Variants in EFCAB6 observed in about 807,000 individuals in gnomAD.
EFCAB6 encodes EF-hand calcium-binding domain-containing protein 6.
EFCAB6 carries 156 observed loss-of-function variants against 169.8 expected under a neutral mutation model. The observed-to-expected ratio is 0.92, with a 90% CI of 0.81 to 1.05. The LOEUF is 1.05. Ranked by LOEUF, EFCAB6 falls within the 50% of genes least tolerant of loss-of-function variation. EFCAB6 has a pLI of 0.00. For missense variants in EFCAB6, 1,800 were observed against 1,829.1 expected, an observed-to-expected ratio of 0.98 and a Z score of 0.29; for synonymous variants, 698 against 676.4, an observed-to-expected ratio of 1.03 and a Z score of -0.50.
At chr22:43,757,178 G>A (rs540656512) in intron 5 of EFCAB6, among the ~76,000 whole-genome samples, 2 of 152,320 alleles carry the variant, frequency 1.3e-5, no homozygotes, top group East Asian at 3.9e-4. Context: ...ATAATGCTAC[G>A]TTAAATGTAA....
At chr22:43,792,070 T>C (rs1335587382) in intron 2 of EFCAB6, among the ~76,000 whole-genome samples, 1 of 152,148 alleles carries the variant, frequency 6.6e-6, no homozygotes, top group East Asian at 1.9e-4. Flanking sequence ...GATGGGAGCC[T>C]GTGGCAGCTC....
chr22:43,661,302 C>T (rs1360377044), intron 17 of EFCAB6, among the ~76,000 whole-genome samples: 1 of 152,012 alleles, frequency 6.6e-6, no homozygotes, highest in Non-Finnish European at 1.5e-5. Context: ...CACTTCAGCC[C>T]AGGAGATTGA....
Position 43,716,962 on chromosome 22 carries a change from C to T in EFCAB6, c.768G>A (p.Leu256=), listed in dbSNP as rs759274207. ...RYCMGNQEVS[L]ENQQAKNSKK... The stretch of plus-strand genomic sequence containing the variant: ...TGGAATTTTTGGCTTGTTGATTCTC[C>T]AACGAGACCTCTGTTGAAACAAAAT... Residue 256 remains leucine (L), a synonymous_variant, in exon 9 of 32, where the codon TTG becomes TTA. Transcript: ENST00000262726. 4 of 1,551,320 alleles carry T rather than the reference C, an allele frequency of 2.6e-6. No homozygotes were observed. The highest frequency in any genetic ancestry group is 3.5e-6 in the Non-Finnish European group (4 of 1,150,616).
At chr22:43,805,911 T>C (rs1392673724) in intron 2 of EFCAB6, among the ~76,000 whole-genome samples, 1 of 152,118 alleles carries the variant, frequency 6.6e-6, no homozygotes, top group African/African-American at 2.4e-5. Context: ...ATGCCTGTAA[T>C]CCCAACATTT....
intron 26 of EFCAB6, among the ~76,000 whole-genome samples, chr22:43,569,657 C>T (rs113745045): frequency 0.021 from 3,163 of 152,344 alleles, 113 homozygotes; most frequent in African/African-American, 0.073. Context: ...CCCCTGCACC[C>T]TGGCCTGTCT....
At chr22:43,777,153 G>T (rs776168678) in intron 3 of EFCAB6, among the ~76,000 whole-genome samples, 7 of 152,200 alleles carry the variant, frequency 4.6e-5, no homozygotes, top group Non-Finnish European at 7.3e-5. Context: ...TAATCCCTTG[G>T]TGCTGGACAT....
At chr22:43,803,383 T>A (rs944740102) in intron 2 of EFCAB6, among the ~76,000 whole-genome samples, 1 of 152,210 alleles carries the variant, frequency 6.6e-6, no homozygotes, top group African/African-American at 2.4e-5. Flanking sequence ...GAAAACTTCA[T>A]AGGGTTTGAT....
intron 2 of EFCAB6, among the ~76,000 whole-genome samples, chr22:43,787,392 C>A: frequency 6.8e-6 from 1 of 148,118 alleles, no homozygotes; most frequent in African/African-American, 2.5e-5. Context: ...ACAATTAGAA[C>A]TAATAAACAA....
chr22:43,563,718 AGACGTGGGTTGAGTTCCT>A (rs2049231994), intron 26 of EFCAB6, among the ~76,000 whole-genome samples: 1 of 152,234 alleles, frequency 6.6e-6, no homozygotes. Flanking sequence ...GAACTCAGAC[AGACGTGGGTTGAGTTCCT>A]GGCTAACACC....
At chr22:43,602,320 C>A (rs2052581095) in intron 22 of EFCAB6, among the ~76,000 whole-genome samples, 1 of 152,252 alleles carries the variant, frequency 6.6e-6, no homozygotes, top group Non-Finnish European at 1.5e-5. Flanking sequence ...GACAACACAG[C>A]CTCAGAAAGA....
chr22:43,713,656 T>C (rs1448263342), intron 9 of EFCAB6, among the ~76,000 whole-genome samples: 1 of 152,200 alleles, frequency 6.6e-6, no homozygotes, highest in Admixed American at 6.5e-5. Flanking sequence ...CCTTGGCATC[T>C]GTGGACCAGA....
At chr22:43,660,037 G>A (rs6006520) in intron 17 of EFCAB6, among the ~76,000 whole-genome samples, 7,580 of 152,252 alleles carry the variant, frequency 0.05, 607 homozygotes, top group African/African-American at 0.17. Context: ...TCCAGAGGCC[G>A]AGGTGGGGTC....
intron 4 of EFCAB6, 59 bp from the exon 5 acceptor site, chr22:43,765,452 G>A (rs1431431319): frequency 1.4e-5 from 19 of 1,317,598 alleles, no homozygotes; most frequent in South Asian, 2.4e-5. Flanking sequence ...AGCAATAGAC[G>A]GTAAAGCAGA....
At chr22:43,680,945 C>G (rs921194128) in intron 12 of EFCAB6, among the ~76,000 whole-genome samples, 10 of 152,106 alleles carry the variant, frequency 6.6e-5, no homozygotes, top group African/African-American at 2.4e-4. Flanking sequence ...AATCTTGATG[C>G]CTTTTATTTC....
intron 21 of EFCAB6, 45 bp from the exon 22 acceptor site, chr22:43,608,645 T>C: frequency 6.4e-7 from 1 of 1,572,716 alleles, no homozygotes; most frequent in Non-Finnish European, 8.7e-7. Context: ...GAAATGTGCG[T>C]ATGACAGCAG....
chr22:43,780,990 A>G (rs945114759), intron 3 of EFCAB6, among the ~76,000 whole-genome samples: 1 of 152,116 alleles, frequency 6.6e-6, no homozygotes, highest in Admixed American at 6.6e-5. Flanking sequence ...GGCTCACGCT[A>G]CTTGAATTCT....
intron 5 of EFCAB6, among the ~76,000 whole-genome samples, chr22:43,763,555 C>G (rs1332926547): frequency 2.0e-5 from 3 of 152,096 alleles, no homozygotes; most frequent in Non-Finnish European, 4.4e-5. Context: ...AGTGATGCAT[C>G]CGTCATAAAA....
chr22:43,535,858 C>A (rs2047355480), intron 29 of EFCAB6: 1 of 152,206 alleles, frequency 6.6e-6, no homozygotes, highest in Non-Finnish European at 1.5e-5. Context: ...GATTTCTTTG[C>A]CCTTGCACAC....
chr22:43,691,267 G>C (rs1398356872), intron 10 of EFCAB6, among the ~76,000 whole-genome samples: 2 of 151,910 alleles, frequency 1.3e-5, no homozygotes, highest in South Asian at 2.1e-4. Context: ...CTTTGATATA[G>C]TTTGTCAATA....
Sources: gnomAD v4.1 joint callset for allele counts (sites outside exome capture counted in the v4.1 genomes callset) on GRCh38, gnomAD v4.1.1 for gene constraint, MANE v1.5 for transcripts, NCBI Gene and HGNC (gene_info 2026-07-23, HGNC 2026-07-21) for gene names.